DIMT1: variants seen among roughly 807,000 people sequenced by gnomAD.
DIMT1 encodes the protein dimethyladenosine transferase.
Under a neutral mutation model 43.2 loss-of-function variants are expected in DIMT1, and 36 were observed. That is an observed-to-expected ratio of 0.83 (90% confidence interval 0.64 to 1.10). The LOEUF is 1.10. Ranked by LOEUF, DIMT1 falls within the 50% of genes least tolerant of loss-of-function variation. DIMT1 has a pLI of 0.00. For missense variants in DIMT1, 341 were observed against 385.3 expected (o/e 0.88, Z 0.96); for synonymous variants, 126 against 130.3 (o/e 0.97, Z 0.22).
In DIMT1 at chr5:62,392,956, C is replaced by T. The variant is rs779324117; in HGVS notation, c.698G>A (p.Arg233Lys). ...WDGLVRITFV[R>K]KNKTLSAAFK... The stretch of plus-strand genomic sequence containing the variant: ...TGCAGCAGAGAGTGTCTTGTTTTTC[C>T]TAACAAAGGTTATCCTTACTAGACC... Residue 233 changes from arginine to lysine, a missense_variant, in exon 9 of 12, where the codon AGG becomes AAG. Arg to Lys is a conservative substitution (Grantham distance 26). Coordinates refer to ENST00000199320, the MANE Select transcript of DIMT1 (RefSeq NM_014473.4). 1 of 1,610,642 alleles carries T rather than the reference C, an allele frequency of 6.2e-7. No individual in the cohort carries two copies. The highest frequency in any genetic ancestry group is 8.5e-7 in the Non-Finnish European group (1 of 1,177,360).
intron 11 of DIMT1, among the ~76,000 whole-genome samples, chr5:62,390,072 T>C (rs1742233521): frequency 6.6e-6 from 1 of 152,218 alleles, no homozygotes. Context: ...TAGAACTGTG[T>C]TTCCAGCTTA....
chr5:62,395,240 G>A (rs1742444986), intron 6 of DIMT1, among the ~76,000 whole-genome samples: 1 of 152,012 alleles, frequency 6.6e-6, no homozygotes, highest in East Asian at 1.9e-4. Context: ...GGCCAGGCTG[G>A]TCTGGAACTC....
Position 62,394,015 on chromosome 5 carries a change from C to G in DIMT1, c.603G>C (p.Lys201Asn), listed in dbSNP as rs1580122248. Residue 201 changes from lysine to asparagine, a missense_variant, in exon 8 of 12, where the codon AAG becomes AAC. Transcript: ENST00000199320. ...CTATCCTTACAACACTGGATTCCAC[C>G]TTGGGCGGTGGTCTGAAGTTATTCT... The part of the protein sequence containing the change: ...VGKNNFRPPP[K>N]VESSVVRIEP... 6.2e-7 allele frequency: 1 copy of G among 1,611,724 alleles called. No homozygotes were observed. The highest frequency in any genetic ancestry group is 2.2e-5 in the East Asian group (1 of 44,780).
chr5:62,393,825 G>T, intron 8 of DIMT1, 130 bp downstream of exon 8: 1 of 714,108 alleles, frequency 1.4e-6, no homozygotes, highest in Non-Finnish European at 2.2e-6. Context: ...GCACAGGGAT[G>T]TGTCCTAATT....
intron 7 of DIMT1, 118 bp from the exon 8 acceptor site, chr5:62,394,165 T>A: frequency 2.0e-6 from 2 of 994,652 alleles, no homozygotes; most frequent in Non-Finnish European, 3.0e-6. Flanking sequence ...AGCTAGATTA[T>A]TTCAATAATA....
chr5:62,397,214 G>C (rs1249772020), intron 6 of DIMT1, among the ~76,000 whole-genome samples: 1 of 152,036 alleles, frequency 6.6e-6, no homozygotes, highest in Non-Finnish European at 1.5e-5. Flanking sequence ...AGAGTGCTAG[G>C]ATTATAGGTG....
intron 3 of DIMT1, among the ~76,000 whole-genome samples, chr5:62,400,839 G>A (rs1243500298): frequency 6.6e-6 from 1 of 151,950 alleles, no homozygotes; most frequent in Non-Finnish European, 1.5e-5. Flanking sequence ...GCTCACTGGA[G>A]CCTCAACTTC....
chr5:62,399,877 G>A (rs1742639984), intron 3 of DIMT1, among the ~76,000 whole-genome samples: 1 of 152,052 alleles, frequency 6.6e-6, no homozygotes, highest in South Asian at 2.1e-4. Context: ...CAGCACTCCA[G>A]CCTGGCAACA....
At position 62,389,485 on chromosome 5, in the gene DIMT1, C is replaced by CAA. The variant is rs775533413; in HGVS notation, c.900-435_900-434dup. ...TGGGTGACAGAGCAAGACTCTGTCT[C>CAA]AAAAAAAAAAAAAAAAGAAATGTTA... On this transcript the variant is annotated intron_variant, in intron 11 of 11. Transcript: ENST00000199320. Among the ~76,000 whole-genome samples the CAA allele has an allele frequency of 2.4e-4, 18 of 75,920 alleles. 1 individual carries two copies. Among genetic ancestry groups the CAA allele is most frequent in the African/African-American group, 6.8e-4 (12 of 17,550 alleles). The allele number at this position is 75,920 out of a possible 152,430, so 49.8% of individuals were successfully genotyped here.
chr5:62,396,401 G>A (rs1274517159), intron 6 of DIMT1, among the ~76,000 whole-genome samples: 1 of 152,020 alleles, frequency 6.6e-6, no homozygotes, highest in Non-Finnish European at 1.5e-5. Flanking sequence ...GCAGCTACTT[G>A]GGAGGCTGAG....
intron 10 of DIMT1, 79 bp from the exon 11 acceptor site, chr5:62,391,061 G>A: frequency 2.6e-6 from 3 of 1,170,312 alleles, no homozygotes; most frequent in Non-Finnish European, 3.8e-6. Flanking sequence ...AGTTCAGTAA[G>A]TCATAAAATA....
Position 62,403,270 on chromosome 5 carries a change from C to T in DIMT1, c.153+3G>A, listed in dbSNP as rs769226110. On this transcript the variant is annotated splice_donor_region_variant and intron_variant, in intron 2 of 11. Transcript: ENST00000199320. ...CTCTCTCCCTTTCCTCTTCCACACC[C>T]ACCTTATCGATAATGCTGTTAATAA... 1.2e-6 allele frequency: 2 copies of T among 1,613,244 alleles called. No homozygotes were observed. Among genetic ancestry groups the T allele is most frequent in the Middle Eastern group, 1.7e-4 (1 of 6,058 alleles).
intron 6 of DIMT1, among the ~76,000 whole-genome samples, chr5:62,396,915 A>G (rs538500482): frequency 7.9e-5 from 12 of 152,218 alleles, no homozygotes; most frequent in Non-Finnish European, 1.8e-4. Context: ...CTCCATTACA[A>G]TTCTTTGTAA....
At position 62,403,884 on chromosome 5, in the gene DIMT1, G is replaced by T. The variant is rs1412949952; in HGVS notation, c.-112C>A. On this transcript the variant is annotated 5_prime_UTR_variant, in exon 1 of 12. Transcript: ENST00000199320. ...GCCACGCGCCGCCCGCACCACTCTG[G>T]CCCAAGCGCCGGAGGGGCAAGGGTC... The T allele has an allele frequency of 2.6e-6, 3 of 1,171,632 alleles. No homozygotes were observed. Among genetic ancestry groups the T allele is most frequent in the Non-Finnish European group, 3.6e-6 (3 of 837,202 alleles). 72.6% of individuals were successfully genotyped at this position (1,171,632 alleles called of 1,614,324 possible).
chr5:62,392,120 AT>A, intron 10 of DIMT1, 50 bp downstream of exon 10: 1 of 1,605,314 alleles, frequency 6.2e-7, no homozygotes, highest in East Asian at 2.2e-5. Flanking sequence ...AAAAATGGAC[AT>A]TTTAAAAGAA....
intron 8 of DIMT1, 126 bp from the exon 9 acceptor site, chr5:62,393,116 C>T (rs942507325): frequency 6.0e-5 from 33 of 550,090 alleles, no homozygotes; most frequent in African/African-American, 5.4e-4. Flanking sequence ...AGAAAATGTT[C>T]TGTAATCTTG....
In DIMT1 at chr5:62,403,650, AGACCT is replaced by A. The variant is rs780850315; in HGVS notation, c.79+39_79+43del. ...GCACCCCAGGCTAGGTCCTGCCGGA[AGACCT>A]GACCCGACCGACCCCAGCTTCCTCG... On this transcript the variant is annotated intron_variant, in intron 1 of 11. Coordinates refer to ENST00000199320, the MANE Select transcript of DIMT1 (RefSeq NM_014473.4). 1.4e-5 allele frequency: 22 copies of A among 1,574,992 alleles called. No individual in the cohort carries two copies. The African/African-American group carries it at 2.4e-4, about 17-fold the overall frequency.
At position 62,398,955 on chromosome 5, in the gene DIMT1, C is replaced by T; in HGVS notation, c.241-74G>A. 2.6e-6 allele frequency: 3 copies of T among 1,150,552 alleles called. No homozygotes were observed. The South Asian group carries it at 4.3e-5, about 17-fold the overall frequency. 71.3% of individuals were successfully genotyped at this position (1,150,552 alleles called of 1,614,324 possible). ...TCTTTTATTGTTATCCCAACAGGAA[C>T]TCTTACATGATTTATGTGACAAACT... is the stretch of plus-strand genomic sequence containing the variant. On this transcript the variant is annotated intron_variant, in intron 3 of 11. Transcript: ENST00000199320.
chr5:62,398,527 GT>G lies in DIMT1; in HGVS notation c.429del (p.His144IlefsTer45), dbSNP rs1397721258. Reference sequence around the variant, plus strand: ...GTCACAAACCTGAAAAAAGGTCGATGTAGCAACAGCTTGAAGACAAAAGGTG... The same window carrying G: ...GTCACAAACCTGAAAAAAGGTCGATGAGCAACAGCTTGAAGACAAAAGGTG... ...ISSPFVFKLL[L>X]HRPFFRCAIL... On this transcript the variant is annotated frameshift_variant, in exon 6 of 12. Transcript: ENST00000199320. LOFTEE classifies it high-confidence loss of function. 6.2e-7 allele frequency: 1 copy of G among 1,612,660 alleles called. No individual in the cohort carries two copies. The highest frequency in any genetic ancestry group is 8.5e-7 in the Non-Finnish European group (1 of 1,178,714).
Sources: gnomAD v4.1 joint callset for allele counts (sites outside exome capture counted in the v4.1 genomes callset) on GRCh38, gnomAD v4.1.1 for gene constraint, MANE v1.5 for transcripts, NCBI Gene and HGNC (gene_info 2026-07-23, HGNC 2026-07-21) for gene names.